The following ARFGEF1 variants were observed in gnomAD, a reference collection of about 807,000 sequenced individuals.
ARFGEF1 encodes ARF guanine nucleotide exchange factor 1, also known as brefeldin A-inhibited guanine nucleotide-exchange protein 1.
A neutral mutation model predicts 231.0 loss-of-function variants in ARFGEF1; 42 were observed. That is an observed-to-expected ratio of 0.18 (90% CI 0.14 to 0.24). The LOEUF (loss-of-function observed/expected upper bound fraction) is 0.24. ARFGEF1 is among the 10% of genes least tolerant of loss of function. The probability of loss-of-function intolerance (pLI) is 1.00; values close to 1 mark genes in which losing one functional copy is unlikely to be tolerated. For synonymous variants in ARFGEF1, 710 were observed against 732.3 expected, an observed-to-expected ratio of 0.97 and a Z score of 0.49; for missense variants, 1,345 against 2,192.0, an observed-to-expected ratio of 0.61 and a Z score of 7.72.
At chr8:67,193,823 TCTAAAC>T (rs1837107645), downstream of ARFGEF1, among the ~76,000 whole-genome samples, 1 of 152,134 alleles carries the variant, frequency 6.6e-6, no homozygotes, top group African/African-American at 2.4e-5. Context: ...TAGAGTGGAG[TCTAAAC>T]AGGTAAAATA....
intron 34 of ARFGEF1, among the ~76,000 whole-genome samples, chr8:67,206,236 C>A (rs904290019): frequency 6.6e-6 from 1 of 151,828 alleles, no homozygotes; most frequent in African/African-American, 2.4e-5. Context: ...ATGGTGAAAC[C>A]CCATCTCTAC....
At chr8:67,267,014 T>G in intron 12 of ARFGEF1, 30 bp from the exon 13 acceptor site, 1 of 1,608,380 alleles carries the variant, frequency 6.2e-7, no homozygotes, top group Non-Finnish European at 8.5e-7. Flanking sequence ...CAAAATTTTT[T>G]TTAAAGGTCT....
At position 67,200,519 on chromosome 8, in the gene ARFGEF1, A is replaced by G. The variant is rs749609012; in HGVS notation, c.5268-6T>C. 6.5e-7 allele frequency: 1 copy of G among 1,539,040 alleles called. No homozygotes were observed. The highest frequency in any genetic ancestry group is 1.4e-5 in the African/African-American group (1 of 73,128). ...TTAGTGCTTCACTGCAGACACTGCA[A>G]AAGAAAAGGTTTCCTTTAATGTTAC... On this transcript the variant is annotated splice_region_variant and splice_polypyrimidine_tract_variant and intron_variant, in intron 37 of 38. Transcript: ENST00000262215.
At chr8:67,257,621 G>T in intron 17 of ARFGEF1, 111 bp downstream of exon 17, 1 of 844,278 alleles carries the variant, frequency 1.2e-6, no homozygotes, top group Admixed American at 2.8e-5. Flanking sequence ...CCCAAATATG[G>T]TGACTGGTTT....
intron 6 of ARFGEF1, among the ~76,000 whole-genome samples, chr8:67,289,265 C>T (rs1287014587): frequency 6.6e-6 from 1 of 151,938 alleles, no homozygotes; most frequent in African/African-American, 2.4e-5. Context: ...TATAAAGGAC[C>T]ACTACAGCTG....
chr8:67,205,113 T>C, intron 34 of ARFGEF1, among the ~76,000 whole-genome samples: 1 of 152,214 alleles, frequency 6.6e-6, no homozygotes, highest in East Asian at 1.9e-4. Context: ...CCAACACAAA[T>C]TCATAAACTT....
chr8:67,244,322 T>G (rs1302748796), intron 19 of ARFGEF1, among the ~76,000 whole-genome samples: 4 of 145,808 alleles, frequency 2.7e-5, no homozygotes, highest in South Asian at 2.2e-4. Context: ...TGTTGTTTTT[T>G]TTTTTTTTTT....
intron 34 of ARFGEF1, among the ~76,000 whole-genome samples, chr8:67,210,154 CAAAAAAAAAAAAA>C (rs59530693): frequency 7.4e-5 from 4 of 53,876 alleles, no homozygotes; most frequent in Non-Finnish European, 1.6e-4. Context: ...GACTCCGTCT[CAAAAAAAAAAAAA>C]AAAAAAAGAA....
intron 14 of ARFGEF1, 81 bp downstream of exon 14, chr8:67,265,925 G>T: frequency 7.8e-7 from 1 of 1,281,500 alleles, no homozygotes; most frequent in Non-Finnish European, 1.1e-6. Flanking sequence ...CTCATTATAA[G>T]GTGATAAACC....
intron 20 of ARFGEF1, among the ~76,000 whole-genome samples, chr8:67,239,824 G>A (rs1839875584): frequency 2.0e-5 from 3 of 151,908 alleles, no homozygotes; most frequent in Admixed American, 1.3e-4. Context: ...ATACAACCTT[G>A]TATATAAACT....
chr8:67,216,016 T>G (rs1226086938), intron 33 of ARFGEF1, among the ~76,000 whole-genome samples: 2 of 152,210 alleles, frequency 1.3e-5, no homozygotes, highest in African/African-American at 4.8e-5. Flanking sequence ...AAAAATCATT[T>G]TGTTCTATGT....
Position 67,258,301 on chromosome 8 carries a change from AAC to A in ARFGEF1, c.2236-13_2236-12del. On this transcript the variant is annotated splice_polypyrimidine_tract_variant and intron_variant, in intron 15 of 38. Coordinates refer to ENST00000262215, the MANE Select transcript of ARFGEF1 (RefSeq NM_006421.5). ...CTCACCCACTTGAGTCTAAAGTAAA[AAC>A]AGAGATAGAAATTGATATTTTCTTT... 6.5e-7 allele frequency: 1 copy of A among 1,526,810 alleles called. No homozygotes were observed. Among genetic ancestry groups the A allele is most frequent in the Non-Finnish European group, 9.0e-7 (1 of 1,114,544 alleles). The allele number at this position is 1,526,810 out of a possible 1,614,324, so 94.6% of individuals were successfully genotyped here. A position where few individuals can be genotyped will look rare whatever the true frequency, so the allele number is the denominator to read the frequency against.
intron 22 of ARFGEF1, among the ~76,000 whole-genome samples, chr8:67,234,307 C>T (rs56101466): frequency 0.13 from 19,773 of 152,106 alleles, 2,548 homozygotes; most frequent in African/African-American, 0.33. Context: ...AATGTAATGA[C>T]TACTTCATGG....
intron 1 of ARFGEF1, among the ~76,000 whole-genome samples, chr8:67,334,151 A>C (rs1249783167): frequency 6.6e-6 from 1 of 151,720 alleles, no homozygotes; most frequent in African/African-American, 2.4e-5. Context: ...AAAAAAAAAA[A>C]AAAAAAGAAT....
intron 5 of ARFGEF1, 75 bp from the exon 6 acceptor site, chr8:67,292,198 A>C: frequency 7.7e-7 from 1 of 1,290,538 alleles, no homozygotes; most frequent in South Asian, 1.4e-5. Context: ...TACCTCCAAC[A>C]ATCCTTTCTA....
intron 5 of ARFGEF1, among the ~76,000 whole-genome samples, chr8:67,184,730 T>A (rs566706952): frequency 2.5e-4 from 34 of 135,562 alleles, no homozygotes; most frequent in East Asian, 2.5e-3. Flanking sequence ...TCTAAAAAAA[T>A]AATAATAAAA....
At chr8:67,318,802 G>A (rs1042212016) in intron 1 of ARFGEF1, among the ~76,000 whole-genome samples, 1 of 152,044 alleles carries the variant, frequency 6.6e-6, no homozygotes. Flanking sequence ...CAGTGAGACC[G>A]CCATCTCTAC....
Position 67,204,686 on chromosome 8 carries a change from T to C in ARFGEF1, c.4953A>G (p.Ala1651=). The C allele has an allele frequency of 6.2e-7, 1 of 1,613,642 alleles. No individual in the cohort carries two copies. Among genetic ancestry groups the C allele is most frequent in the Non-Finnish European group, 8.5e-7 (1 of 1,179,800 alleles). ...SKKEDAENLA[A]AQRDAVDFDV... ...TGTCCTCCTATCTCCTTACCTGTGC[T>C]GCAGCTAAGTTTTCTGCATCTTCTT... is the stretch of plus-strand genomic sequence containing the variant. Residue 1651 remains alanine, a synonymous_variant, in exon 35 of 39, where the codon GCA becomes GCG. Coordinates refer to ENST00000262215, the MANE Select transcript of ARFGEF1 (RefSeq NM_006421.5).
At chr8:67,336,876 A>C (rs2128936975) in intron 1 of ARFGEF1, among the ~76,000 whole-genome samples, 1 of 152,048 alleles carries the variant, frequency 6.6e-6, no homozygotes, top group South Asian at 2.1e-4. Flanking sequence ...CACGCCTGTA[A>C]TCCCAGCACC....
Sources: allele counts gnomAD v4.1 joint callset (sites outside exome capture counted in the v4.1 genomes callset), GRCh38; gene constraint gnomAD v4.1.1; transcripts MANE v1.5; gene names NCBI Gene and HGNC (gene_info 2026-07-23, HGNC 2026-07-21).